Variants in TASP1 observed in about 807,000 individuals in gnomAD.
The protein encoded by TASP1 is taspase 1.
In TASP1, 16 loss-of-function variants were observed where a neutral mutation model predicts 56.6. That is an observed-to-expected ratio of 0.28 (90% CI 0.19 to 0.43). TASP1 has a LOEUF of 0.43. TASP1 is among the 20% of genes least tolerant of loss of function. The probability of loss-of-function intolerance (pLI) is 1.00; values close to 1 mark genes in which losing one functional copy is unlikely to be tolerated. For synonymous variants in TASP1, 179 were observed against 184.2 expected (o/e 0.97, Z 0.23); for missense variants, 393 against 511.6 (o/e 0.77, Z 2.24).
chr20:13,422,555 TA>T (rs1216036673), intron 12 of TASP1, among the ~76,000 whole-genome samples: 1 of 152,224 alleles, frequency 6.6e-6, no homozygotes, highest in Non-Finnish European at 1.5e-5. Flanking sequence ...AATTCACCAC[TA>T]ATAGCACTAT....
the TASP1 span, among the ~76,000 whole-genome samples, chr20:13,146,639 G>A: frequency 6.6e-6 from 1 of 152,002 alleles, no homozygotes; most frequent in Non-Finnish European, 1.5e-5. Flanking sequence ...CTGTCTCATG[G>A]CACCTATTTT....
chr20:13,247,306 AAACTTTTC>A, the TASP1 span, among the ~76,000 whole-genome samples: 1 of 151,554 alleles, frequency 6.6e-6, no homozygotes, highest in African/African-American at 2.4e-5. Flanking sequence ...TCTGTGAAGT[AAACTTTTC>A]AACTTACCAA....
chr20:13,353,287 T>C, the TASP1 span, among the ~76,000 whole-genome samples: 1 of 151,972 alleles, frequency 6.6e-6, no homozygotes, highest in East Asian at 1.9e-4. Flanking sequence ...GTCTCTGTTG[T>C]AGTGTTCCCA....
chr20:13,117,385 C>T, the TASP1 span: 1 of 916,366 alleles, frequency 1.1e-6, no homozygotes, highest in South Asian at 2.8e-5. Flanking sequence ...ATAAAACATG[C>T]CTTCAGAACA....
intron 2 of TASP1, among the ~76,000 whole-genome samples, chr20:13,627,733 T>TAAA (rs35542097): frequency 8.4e-6 from 1 of 119,520 alleles, no homozygotes. Flanking sequence ...AACTTAGTCT[T>TAAA]AAAAAAAAAA....
the TASP1 span, among the ~76,000 whole-genome samples, chr20:13,193,614 A>G: frequency 6.6e-6 from 1 of 152,234 alleles, no homozygotes; most frequent in African/African-American, 2.4e-5. Context: ...GTTTAAACAA[A>G]TAAGGGTTTA....
the TASP1 span, among the ~76,000 whole-genome samples, chr20:13,107,584 G>T: frequency 6.6e-6 from 1 of 152,094 alleles, no homozygotes; most frequent in Non-Finnish European, 1.5e-5. Flanking sequence ...GGCCTGTTTT[G>T]CAGATAAAAA....
chr20:13,340,384 A>G, the TASP1 span, among the ~76,000 whole-genome samples: 1 of 152,168 alleles, frequency 6.6e-6, no homozygotes, highest in Non-Finnish European at 1.5e-5. Context: ...ACTTATTTCA[A>G]CGACTACTGA....
At chr20:13,511,126 T>A (rs2044310781) in intron 10 of TASP1, among the ~76,000 whole-genome samples, 1 of 151,912 alleles carries the variant, frequency 6.6e-6, no homozygotes, top group Non-Finnish European at 1.5e-5. Flanking sequence ...AACAAAACAT[T>A]GACTGAGAAG....
chr20:13,531,503 T>C (rs2045217463), intron 9 of TASP1, among the ~76,000 whole-genome samples: 1 of 146,954 alleles, frequency 6.8e-6, no homozygotes, highest in Non-Finnish European at 1.5e-5. Flanking sequence ...TTTTTTTTTC[T>C]TTTTTTTGAG....
the TASP1 span, among the ~76,000 whole-genome samples, chr20:13,241,772 G>C: frequency 6.6e-6 from 1 of 152,100 alleles, no homozygotes; most frequent in East Asian, 1.9e-4. Flanking sequence ...TTGAGGGTTT[G>C]AGGACATGAA....
the TASP1 span, chr20:13,368,367 C>T: frequency 6.6e-6 from 1 of 152,036 alleles, no homozygotes; most frequent in Non-Finnish European, 1.5e-5. Flanking sequence ...GATGAGAGAA[C>T]AAAAAAGAAT....
the TASP1 span, among the ~76,000 whole-genome samples, chr20:13,335,602 A>G: frequency 6.6e-6 from 1 of 151,986 alleles, no homozygotes; most frequent in Non-Finnish European, 1.5e-5. Flanking sequence ...AAATGTAGGA[A>G]TTAATAAAAA....
At chr20:13,556,249 T>C (rs1157196738) in intron 8 of TASP1, among the ~76,000 whole-genome samples, 1 of 152,196 alleles carries the variant, frequency 6.6e-6, no homozygotes, top group East Asian at 1.9e-4. Flanking sequence ...AATATTGTCT[T>C]TCCAGAAACC....
At chr20:13,433,716 G>A (rs952952974) in intron 12 of TASP1, among the ~76,000 whole-genome samples, 8 of 151,500 alleles carry the variant, frequency 5.3e-5, no homozygotes, top group Non-Finnish European at 1.2e-4. Flanking sequence ...ATGAAGGGAC[G>A]TGTACTATAG....
chr20:13,537,820 C>T (rs1252239139), intron 8 of TASP1, among the ~76,000 whole-genome samples: 1 of 152,128 alleles, frequency 6.6e-6, no homozygotes, highest in African/African-American at 2.4e-5. Flanking sequence ...TAAGCAGTCC[C>T]TGTTTTCTCT....
intron 9 of TASP1, among the ~76,000 whole-genome samples, chr20:13,531,100 T>C (rs1381941665): frequency 6.6e-6 from 1 of 152,198 alleles, no homozygotes; most frequent in East Asian, 1.9e-4. Flanking sequence ...AGCAAGTGCT[T>C]AATTAACAGT....
chr20:13,511,788 A>G (rs143301612), intron 10 of TASP1, among the ~76,000 whole-genome samples: 414 of 117,940 alleles, frequency 3.5e-3, no homozygotes, highest in African/African-American at 0.012. Flanking sequence ...CCAGTGTGTG[A>G]CGTTTCCCTT....
At chr20:13,530,975 T>C (rs2146875627) in intron 9 of TASP1, among the ~76,000 whole-genome samples, 1 of 152,272 alleles carries the variant, frequency 6.6e-6, no homozygotes, top group African/African-American at 2.4e-5. Context: ...ATAAATGATA[T>C]TATTATTAGT....
Sources: allele counts gnomAD v4.1 joint callset (sites outside exome capture counted in the v4.1 genomes callset), GRCh38; gene constraint gnomAD v4.1.1; transcripts MANE v1.5; gene names NCBI Gene and HGNC (gene_info 2026-07-23, HGNC 2026-07-21).